Variants in PRH1 observed in about 807,000 individuals in gnomAD.
PRH1 encodes the protein salivary acidic proline-rich phosphoprotein 1/2.
PRH1 carries 7 observed loss-of-function variants against 7.9 expected under a neutral mutation model. That is an observed-to-expected ratio of 0.89 (90% CI 0.50 to 1.67). PRH1 has a LOEUF of 1.67. Ranked by LOEUF, PRH1 falls within the 40% of genes most tolerant of loss-of-function variation. The pLI is 0.00. For synonymous variants in PRH1, 45 were observed against 80.8 expected (o/e 0.56, Z 2.38); for missense variants, 109 against 223.6 (o/e 0.49, Z 3.27).
chr12:10,883,700 C>CT (rs1346438829), intron 1 of PRH1, among the ~76,000 whole-genome samples: 1 of 152,178 alleles, frequency 6.6e-6, no homozygotes, highest in Non-Finnish European at 1.5e-5. Context: ...TTCTCTAACT[C>CT]TATGTAGACA....
At chr12:10,941,815 G>A (rs150779503) in intron 2 of PRH1, among the ~76,000 whole-genome samples, 2,312 of 152,226 alleles carry the variant, frequency 0.015, 21 homozygotes, top group South Asian at 0.031. Context: ...CATATTACCA[G>A]AGTTGGTTTT....
At chr12:11,087,801 A>C (rs150426502) in intron 1 of PRH1, among the ~76,000 whole-genome samples, 2,954 of 115,672 alleles carry the variant, frequency 0.026, 868 homozygotes, top group South Asian at 0.041. Context: ...GAACTTAAAT[A>C]AACACTCACA....
chr12:11,115,416 CA>C (rs34366771), intron 1 of PRH1, among the ~76,000 whole-genome samples: 28,610 of 151,936 alleles, frequency 0.19, 3,643 homozygotes, highest in Non-Finnish European at 0.27. Context: ...ACTATTAGAC[CA>C]AAGCAAAGAG....
At chr12:10,957,973 T>C (rs943700683) in intron 2 of PRH1, among the ~76,000 whole-genome samples, 1 of 152,090 alleles carries the variant, frequency 6.6e-6, no homozygotes, top group African/African-American at 2.4e-5. Context: ...GGGAGGTAAA[T>C]TAGTCCAGCC....
chr12:11,163,511 ATAATC>A (rs1258704330), intron 1 of PRH1, among the ~76,000 whole-genome samples: 2 of 152,228 alleles, frequency 1.3e-5, no homozygotes, highest in Non-Finnish European at 2.9e-5. Flanking sequence ...AGCTGTTAGA[ATAATC>A]TAATCTGAGT....
intron 1 of PRH1, among the ~76,000 whole-genome samples, chr12:11,170,822 C>T (rs1947812785): frequency 6.6e-6 from 1 of 152,176 alleles, no homozygotes; most frequent in Non-Finnish European, 1.5e-5. Flanking sequence ...AATCCAAAGA[C>T]TAAGATTGTG....
At chr12:11,065,911 C>G (rs1421601710) in intron 1 of PRH1, among the ~76,000 whole-genome samples, 2 of 152,162 alleles carry the variant, frequency 1.3e-5, no homozygotes, top group Admixed American at 6.5e-5. Context: ...TCACCACAAA[C>G]TCTCCTCACA....
intron 2 of PRH1, among the ~76,000 whole-genome samples, chr12:10,951,904 T>C (rs1937690680): frequency 6.6e-6 from 1 of 152,200 alleles, no homozygotes; most frequent in Non-Finnish European, 1.5e-5. Flanking sequence ...GTTTTTACAG[T>C]ATAATTGTTT....
At position 11,075,211 on chromosome 12, in the gene PRH1, A is replaced by AC. The variant is rs1944244202; in HGVS notation, n.124-28024_124-28023insG. On this transcript the variant is annotated intron_variant and non_coding_transcript_variant, in intron 1 of 4. Coordinates refer to the PRH1 transcript ENST00000541977. Reference sequence around the variant, plus strand: ...GAAAGGATACTAAAATATATATATAAATAATGTGTAAGAAAGGTGACTCGT... The same window carrying AC: ...GAAAGGATACTAAAATATATATATAACATAATGTGTAAGAAAGGTGACTCGT... Among the ~76,000 whole-genome samples, 2 of 130,212 alleles carry AC rather than the reference A, an allele frequency of 1.5e-5. 1 individual carries two copies. Among genetic ancestry groups the AC allele is most frequent in the Non-Finnish European group, 3.5e-5 (2 of 57,092 alleles). The allele number at this position is 130,212 out of a possible 152,430, so 85.4% of individuals were successfully genotyped here.
chr12:10,916,283 TC>T (rs1196431160), intron 2 of PRH1, among the ~76,000 whole-genome samples: 7 of 44,108 alleles, frequency 1.6e-4, no homozygotes, highest in Non-Finnish European at 2.4e-4. Flanking sequence ...TGGGAATTAC[TC>T]GGGAGCCACA....
chr12:10,906,073 T>C (rs1949798518), intron 2 of PRH1, among the ~76,000 whole-genome samples: 1 of 152,224 alleles, frequency 6.6e-6, no homozygotes. Flanking sequence ...CTCACTTACC[T>C]AACTTTTAAG....
chr12:11,161,010 C>G (rs1364742792), intron 1 of PRH1, among the ~76,000 whole-genome samples: 2 of 152,150 alleles, frequency 1.3e-5, no homozygotes, highest in Non-Finnish European at 2.9e-5. Flanking sequence ...TTCCAAGCCT[C>G]TCTTACAGAT....
upstream of PRH1, among the ~76,000 whole-genome samples, chr12:11,049,522 A>G (rs1266191427): frequency 6.6e-6 from 1 of 152,150 alleles, no homozygotes; most frequent in Admixed American, 6.5e-5. Flanking sequence ...CTGTCTTACT[A>G]TATGCTGAAA....
upstream of PRH1, among the ~76,000 whole-genome samples, chr12:10,885,039 C>T (rs1378937657): frequency 6.6e-6 from 1 of 152,220 alleles, no homozygotes; most frequent in Non-Finnish European, 1.5e-5. Context: ...CCTAAGTGAG[C>T]CACACGATGT....
At chr12:10,994,573 C>G (rs190038554) in intron 1 of PRH1, among the ~76,000 whole-genome samples, 1 of 152,140 alleles carries the variant, frequency 6.6e-6, no homozygotes, top group Non-Finnish European at 1.5e-5. Flanking sequence ...TTCCACATGT[C>G]CCAGCCATTT....
Position 11,133,857 on chromosome 12 carries a change from G to T in PRH1, n.40-12677C>A, listed in dbSNP as rs1267219302. On this transcript the variant is annotated intron_variant and non_coding_transcript_variant, in intron 1 of 1. Transcript: ENST00000541175. Reference sequence around the variant, plus strand: ...AGCAAAGGCCCCAACAGTATCACCAGAACAACACTCTTAACTCTCCTCTTT... The same window carrying T: ...AGCAAAGGCCCCAACAGTATCACCATAACAACACTCTTAACTCTCCTCTTT... The T allele has an allele frequency of 5.0e-6, 8 of 1,614,006 alleles. No homozygotes were observed. In the Admixed American group the frequency reaches 6.7e-5, roughly 13 times the overall value.
chr12:10,997,129 A>G, intron 1 of PRH1: 1 of 1,614,110 alleles, frequency 6.2e-7, no homozygotes, highest in Non-Finnish European at 8.5e-7. Flanking sequence ...TAAAATTCCA[A>G]AACGATATGA....
intron 1 of PRH1, among the ~76,000 whole-genome samples, chr12:11,099,769 A>G (rs1046573327): frequency 6.6e-6 from 1 of 152,206 alleles, no homozygotes; most frequent in African/African-American, 2.4e-5. Context: ...AATGTTTTAG[A>G]GGGTCTTCTC....
intron 1 of PRH1, among the ~76,000 whole-genome samples, chr12:11,101,514 A>G (rs1378205884): frequency 6.6e-6 from 1 of 152,162 alleles, no homozygotes; most frequent in African/African-American, 2.4e-5. Context: ...AAAGTTTTAA[A>G]TTTTAACTTG....
Sources: gnomAD v4.1 joint callset for allele counts (sites outside exome capture counted in the v4.1 genomes callset) on GRCh38, gnomAD v4.1.1 for gene constraint, MANE v1.5 for transcripts, NCBI Gene and HGNC (gene_info 2026-07-23, HGNC 2026-07-21) for gene names.